Variants in DYNAP observed in about 807,000 individuals in gnomAD.
DYNAP encodes dynactin associated protein.
Under a neutral mutation model 8.5 loss-of-function variants are expected in DYNAP, and 7 were observed. The observed-to-expected ratio is 0.82, with a 90% CI of 0.47 to 1.54. The LOEUF is 1.54. Among genes scored for constraint, DYNAP ranks in the 40% most tolerant of loss-of-function variants. The pLI is 0.01. For synonymous variants in DYNAP, 77 were observed against 77.9 expected, an observed-to-expected ratio of 0.99 and a Z score of 0.06; for missense variants, 256 against 224.3, an observed-to-expected ratio of 1.14 and a Z score of -0.90.
the DYNAP span, among the ~76,000 whole-genome samples, chr18:54,581,101 A>G: frequency 6.6e-6 from 1 of 152,192 alleles, no homozygotes; most frequent in Non-Finnish European, 1.5e-5. Flanking sequence ...ACAATTCTCT[A>G]TGTATTGAAT....
chr18:54,598,858 C>G lies in DYNAP; in HGVS notation c.*713C>G, dbSNP rs1263747507. ...AGGTCTAATAAGAAACACTTTACAA[C>G]CTGCTCTCTCTCTGAAGTCTGCTTT... On this transcript the variant is annotated 3_prime_UTR_variant, in exon 3 of 3. Coordinates refer to ENST00000648945, the MANE Select transcript of DYNAP (RefSeq NM_173629.3). 2.0e-5 allele frequency: 3 copies of G among 152,114 alleles called. No homozygotes were observed. The highest frequency in any genetic ancestry group is 4.4e-5 in the Non-Finnish European group (3 of 68,028). The allele number at this position is 152,114 out of a possible 1,614,324, so 9.4% of individuals were successfully genotyped here.
intron 2 of DYNAP, among the ~76,000 whole-genome samples, chr18:54,595,988 G>C (rs892867575): frequency 1.3e-5 from 2 of 152,094 alleles, no homozygotes; most frequent in African/African-American, 4.8e-5. Flanking sequence ...GTTTGCAGAG[G>C]TAAAGTAATC....
chr18:54,577,341 G>T, the DYNAP span, among the ~76,000 whole-genome samples: 1 of 152,056 alleles, frequency 6.6e-6, no homozygotes, highest in East Asian at 1.9e-4. Context: ...AATCTCAACA[G>T]TTTGAGAAAC....
In DYNAP at chr18:54,597,853, T is replaced by A; in HGVS notation, c.263T>A (p.Val88Asp). The A allele has an allele frequency of 6.2e-7, 1 of 1,613,020 alleles. No homozygotes were observed. The highest frequency in any genetic ancestry group is 8.5e-7 in the Non-Finnish European group (1 of 1,179,246). Residue 88 changes from valine (V) to aspartate (D), a missense_variant, in exon 3 of 3, where the codon GTC becomes GAC. Val to Asp is a radical substitution (Grantham distance 152). Transcript: ENST00000648945. ...CGCAATGACTGGTCTATGTGGAAAGTCTTCCTGGCTTGTCTCTTAGCCTGT... is the reference window on the plus strand; with the variant it reads ...CGCAATGACTGGTCTATGTGGAAAGACTTCCTGGCTTGTCTCTTAGCCTGT... ...YCRNDWSMWK[V>D]FLACLLACVI...
At chr18:54,597,031 C>T (rs1246132624) in intron 2 of DYNAP, among the ~76,000 whole-genome samples, 1 of 152,034 alleles carries the variant, frequency 6.6e-6, no homozygotes, top group Non-Finnish European at 1.5e-5. Flanking sequence ...GTTTTGTATT[C>T]TATTCCTGGA....
chr18:54,591,497 A>G (rs528011310), intron 1 of DYNAP, among the ~76,000 whole-genome samples, 158 bp downstream of exon 1: 2 of 152,276 alleles, frequency 1.3e-5, no homozygotes, highest in South Asian at 4.1e-4. Flanking sequence ...TTTGTGCTGT[A>G]ACTTTCATGT....
At chr18:54,582,849 A>G (rs1910764480), upstream of DYNAP, among the ~76,000 whole-genome samples, 1 of 152,062 alleles carries the variant, frequency 6.6e-6, no homozygotes, top group African/African-American at 2.4e-5. Context: ...TTCATTATTC[A>G]TGTTTTCCAG....
upstream of DYNAP, among the ~76,000 whole-genome samples, chr18:54,590,869 G>A (rs1365457163): frequency 6.6e-6 from 1 of 152,142 alleles, no homozygotes; most frequent in African/African-American, 2.4e-5. Context: ...AAGAGGTGGT[G>A]CCAACAAGGG....
rs112604837 is a variant in DYNAP at position 54,595,915 on chromosome 18, C to T, written c.222+812C>T. Among the ~76,000 whole-genome samples, 350 of 152,192 alleles carry T rather than the reference C, an allele frequency of 2.3e-3. 3 individuals are homozygous for T. Among genetic ancestry groups the T allele is most frequent in the African/African-American group, 7.5e-3 (311 of 41,538 alleles). On this transcript the variant is annotated intron_variant, in intron 2 of 2. Transcript: ENST00000648945. ...TGGACAAAACAATATGAACTTTATA[C>T]TGTTTCTGGGACAATGTGAAAGAGT...
upstream of DYNAP, among the ~76,000 whole-genome samples, chr18:54,588,921 A>G (rs1349973663): frequency 6.6e-6 from 1 of 152,162 alleles, no homozygotes; most frequent in African/African-American, 2.4e-5. Flanking sequence ...AGGATCTTTC[A>G]TGCTTTTTGG....
the DYNAP span, among the ~76,000 whole-genome samples, chr18:54,577,602 CAAAA>C: frequency 1.1e-3 from 74 of 66,292 alleles, no homozygotes; most frequent in African/African-American, 2.1e-3. Flanking sequence ...AATCTTGTTT[CAAAA>C]AAAAAAAAAA....
At chr18:54,576,848 A>G in the DYNAP span, among the ~76,000 whole-genome samples, 2 of 152,030 alleles carry the variant, frequency 1.3e-5, no homozygotes, top group East Asian at 1.9e-4. Context: ...CACCAAAAAA[A>G]CCTACAAAAA....
chr18:54,593,236 T>A (rs1187041627), intron 1 of DYNAP, among the ~76,000 whole-genome samples: 1 of 152,140 alleles, frequency 6.6e-6, no homozygotes, highest in Admixed American at 6.6e-5. Flanking sequence ...TAATTCCTAA[T>A]GGGTCAATGA....
chr18:54,597,129 C>G (rs1413159412), intron 2 of DYNAP, among the ~76,000 whole-genome samples: 1 of 151,994 alleles, frequency 6.6e-6, no homozygotes, highest in Non-Finnish European at 1.5e-5. Context: ...TATTATACTG[C>G]ATCCAAAACA....
chr18:54,581,321 C>G, the DYNAP span, among the ~76,000 whole-genome samples: 1 of 152,164 alleles, frequency 6.6e-6, no homozygotes, highest in Admixed American at 6.5e-5. Context: ...GAAGGAGATG[C>G]AGAAGAAATA....
chr18:54,594,857 C>T (rs567674440), intron 1 of DYNAP, 82 bp from the exon 2 acceptor site: 317 of 1,454,446 alleles, frequency 2.2e-4, no homozygotes, highest in Non-Finnish European at 2.8e-4. Flanking sequence ...CTCTTAGGTA[C>T]TTTTGATAGA....
upstream of DYNAP, among the ~76,000 whole-genome samples, chr18:54,586,609 CT>C (rs1006635695): frequency 2.6e-5 from 4 of 152,260 alleles, no homozygotes; most frequent in African/African-American, 9.6e-5. Flanking sequence ...TCTGAGTTGT[CT>C]TTCCCTTTTC....
chr18:54,583,868 A>C (rs983306497), upstream of DYNAP, among the ~76,000 whole-genome samples: 15 of 152,190 alleles, frequency 9.9e-5, no homozygotes, highest in Non-Finnish European at 1.9e-4. Flanking sequence ...CGATCACCTG[A>C]AAATAGCTTG....
chr18:54,583,211 G>T (rs531541867), upstream of DYNAP, among the ~76,000 whole-genome samples: 1 of 152,142 alleles, frequency 6.6e-6, no homozygotes, highest in Non-Finnish European at 1.5e-5. Flanking sequence ...TCTCTGACCT[G>T]CTGGGTGGTC....
Sources: gnomAD v4.1 joint callset for allele counts (sites outside exome capture counted in the v4.1 genomes callset) on GRCh38, gnomAD v4.1.1 for gene constraint, MANE v1.5 for transcripts, NCBI Gene and HGNC (gene_info 2026-07-23, HGNC 2026-07-21) for gene names.